Variants in FYB1 observed in about 807,000 individuals in gnomAD.
The protein encoded by FYB1 is FYN-binding protein 1.
In FYB1, 41 loss-of-function variants were observed where a neutral mutation model predicts 94.1. The observed-to-expected ratio is 0.44, with a 90% CI of 0.34 to 0.57. The LOEUF is 0.57. Ranked by LOEUF, FYB1 falls within the 20% of genes least tolerant of loss-of-function variation. The pLI is 0.02. For synonymous variants in FYB1, 367 were observed against 353.2 expected, an observed-to-expected ratio of 1.04 and a Z score of -0.44; for missense variants, 1,050 against 976.8, an observed-to-expected ratio of 1.07 and a Z score of -1.00.
chr5:39,155,337 A>G (rs1743651037), intron 2 of FYB1, among the ~76,000 whole-genome samples: 1 of 152,178 alleles, frequency 6.6e-6, no homozygotes, highest in Non-Finnish European at 1.5e-5. Context: ...CCTGCACTGC[A>G]GACTCGAGAC....
chr5:39,259,821 C>T (rs1020252515), intron 1 of FYB1, among the ~76,000 whole-genome samples: 11 of 152,056 alleles, frequency 7.2e-5, no homozygotes, highest in South Asian at 2.1e-4. Flanking sequence ...CAAACTTTAT[C>T]ATTAAAACAA....
At chr5:39,192,564 C>T (rs1443761405) in intron 2 of FYB1, among the ~76,000 whole-genome samples, 1 of 152,174 alleles carries the variant, frequency 6.6e-6, no homozygotes, top group Non-Finnish European at 1.5e-5. Flanking sequence ...GTTTTATCCT[C>T]TTGATTGCAG....
At chr5:39,139,327 TATA>T (rs1741947629) in intron 4 of FYB1, 75 bp from the exon 5 acceptor site, 1 of 1,202,164 alleles carries the variant, frequency 8.3e-7, no homozygotes, top group Non-Finnish European at 1.1e-6. Flanking sequence ...TTGGATATGA[TATA>T]ATAATATTCA....
chr5:39,165,540 A>G (rs1456312146), intron 2 of FYB1, among the ~76,000 whole-genome samples: 1 of 152,250 alleles, frequency 6.6e-6, no homozygotes, highest in Non-Finnish European at 1.5e-5. Context: ...TAAAAATACT[A>G]AAAGAAAACC....
At chr5:39,199,690 A>T (rs901485994) in intron 2 of FYB1, among the ~76,000 whole-genome samples, 4 of 152,242 alleles carry the variant, frequency 2.6e-5, no homozygotes, top group African/African-American at 7.2e-5. Flanking sequence ...TTCTGTGAAC[A>T]TAAAGAAACT....
chr5:39,139,882 G>A (rs1456899044), intron 4 of FYB1: 1 of 151,998 alleles, frequency 6.6e-6, no homozygotes, highest in Admixed American at 6.6e-5. Flanking sequence ...CACACATAGA[G>A]CTGATATAAT....
At chr5:39,200,669 T>C (rs938404554) in intron 2 of FYB1, among the ~76,000 whole-genome samples, 2 of 152,192 alleles carry the variant, frequency 1.3e-5, no homozygotes, top group African/African-American at 4.8e-5. Flanking sequence ...GTGTTTGAAT[T>C]AGCAGAGGAC....
intron 3 of FYB1, among the ~76,000 whole-genome samples, chr5:39,148,381 GTTTTTTTTTTTTTTT>G (rs538508812): frequency 0.12 from 4,611 of 38,284 alleles, 477 homozygotes; most frequent in African/African-American, 0.33. Flanking sequence ...TTATCAGCAG[GTTTTTTTTTTTTTTT>G]TTTTTTTTTT....
At chr5:39,185,710 A>C (rs1746719349) in intron 2 of FYB1, among the ~76,000 whole-genome samples, 1 of 151,636 alleles carries the variant, frequency 6.6e-6, no homozygotes. Flanking sequence ...AGAAACCATG[A>C]GGAATCCCTA....
intron 2 of FYB1, among the ~76,000 whole-genome samples, chr5:39,190,768 T>TTGTGTGTGTGTGTG (rs3028815): frequency 0.012 from 1,794 of 146,492 alleles, 33 homozygotes; most frequent in African/African-American, 0.028. Context: ...CCATGCTTAT[T>TTGTGTGTGTGTGTG]TGTGTGTGTG....
Position 39,105,557 on chromosome 5 carries a change from A to G in FYB1, c.*1886T>C, listed in dbSNP as rs1046165450. 4.6e-5 allele frequency: 7 copies of G among 152,146 alleles called. No homozygotes were observed. The highest frequency in any genetic ancestry group is 2.0e-4 in the Admixed American group (3 of 15,270). 9.4% of individuals were successfully genotyped at this position (152,146 alleles called of 1,614,324 possible). A position where few individuals can be genotyped will look rare whatever the true frequency, so the allele number is the denominator to read the frequency against. ...CAGACTGCAATGCAAGTCTGCCCCA[A>G]TGAAGGCAGGAGGAGGGATGGCTGG... On this transcript the variant is annotated 3_prime_UTR_variant, in exon 19 of 19. Transcript: ENST00000512982.
At chr5:39,238,847 TCTC>T (rs1400763825) in intron 1 of FYB1, among the ~76,000 whole-genome samples, 8 of 152,022 alleles carry the variant, frequency 5.3e-5, no homozygotes, top group African/African-American at 1.9e-4. Flanking sequence ...TTAAACCACT[TCTC>T]CTTGTCACAT....
At position 39,138,585 on chromosome 5, in the gene FYB1, C is replaced by G. The variant is rs113375894; in HGVS notation, c.1394+72G>C. ...CTTCCCTCCTAGTGTTGTTATATAC[C>G]CACTCTCCCTCATACAAAACATTAT... On this transcript the variant is annotated intron_variant, in intron 6 of 18. Transcript: ENST00000512982. 7 of 827,882 alleles carry G rather than the reference C, an allele frequency of 8.5e-6. No individual in the cohort carries two copies. In the South Asian group the frequency reaches 1.2e-4, roughly 14 times the overall value. The allele number at this position is 827,882 out of a possible 1,614,324, so 51.3% of individuals were successfully genotyped here. A position where few individuals can be genotyped will look rare whatever the true frequency, so the allele number is the denominator to read the frequency against.
At chr5:39,139,916 T>C (rs932171364) in intron 4 of FYB1, 1 of 152,096 alleles carries the variant, frequency 6.6e-6, no homozygotes, top group African/African-American at 2.4e-5. Flanking sequence ...TATAAATTAA[T>C]GAGAAAAGGA....
At chr5:39,185,892 C>T (rs1356136055) in intron 2 of FYB1, among the ~76,000 whole-genome samples, 1 of 151,920 alleles carries the variant, frequency 6.6e-6, no homozygotes, top group East Asian at 1.9e-4. Flanking sequence ...GCAGGGACAG[C>T]CGGGCACTTT....
At chr5:39,209,754 A>G (rs1265551269) in intron 1 of FYB1, among the ~76,000 whole-genome samples, 2 of 152,186 alleles carry the variant, frequency 1.3e-5, no homozygotes, top group Non-Finnish European at 2.9e-5. Flanking sequence ...AAACAAGCAG[A>G]CACATCCCTG....
At chr5:39,126,876 T>C (rs999665674) in intron 11 of FYB1, among the ~76,000 whole-genome samples, 3 of 151,116 alleles carry the variant, frequency 2.0e-5, no homozygotes, top group Non-Finnish European at 3.0e-5. Context: ...CTGACCAACA[T>C]GGAGAAAACC....
rs781758534 is a variant in FYB1 at position 39,134,913 on chromosome 5, G to T, written c.1617C>A (p.Ile539=). The T allele has an allele frequency of 1.2e-6, 2 of 1,613,798 alleles. No homozygotes were observed. The highest frequency in any genetic ancestry group is 2.7e-5 in the African/African-American group (2 of 74,898). Residue 539 remains isoleucine (I), a synonymous_variant, in exon 8 of 19, where the codon ATC becomes ATA. Transcript: ENST00000512982. ...CTTCTGGGTTGTCTGTGATGCGGAT[G>T]ATTTCAATTTGCTCTCCTTGCTTGA... The part of the protein sequence containing the change: ...LSFKQGEQIE[I]IRITDNPEGK...
At chr5:39,139,190 T>C in intron 5 of FYB1, 43 bp downstream of exon 5, 1 of 1,425,010 alleles carries the variant, frequency 7.0e-7, no homozygotes, top group Non-Finnish European at 9.4e-7. Flanking sequence ...TGTGAAATAT[T>C]CTGATTATGT....
Sources: allele counts gnomAD v4.1 joint callset (sites outside exome capture counted in the v4.1 genomes callset), GRCh38; gene constraint gnomAD v4.1.1; transcripts MANE v1.5; gene names NCBI Gene and HGNC (gene_info 2026-07-23, HGNC 2026-07-21).